Variants in SLC16A4 observed in about 807,000 individuals in gnomAD.
SLC16A4 encodes probable monocarboxylate transporter 5.
Under a neutral mutation model 47.9 loss-of-function variants are expected in SLC16A4, and 39 were observed. The ratio of observed to expected loss-of-function variants is 0.81; its 90% CI spans 0.63 to 1.06. The LOEUF (loss-of-function observed/expected upper bound fraction) is 1.06, where lower values mean the gene tolerates loss of function less well. SLC16A4 is among the 50% of genes least tolerant of loss of function. The pLI is 0.00. For missense variants in SLC16A4, 524 were observed against 573.8 expected, an observed-to-expected ratio of 0.91 and a Z score of 0.89; for synonymous variants, 189 against 199.9, an observed-to-expected ratio of 0.95 and a Z score of 0.46.
Position 110,382,983 on chromosome 1 carries a change from C to T in SLC16A4, c.88-17G>A. On this transcript the variant is annotated splice_polypyrimidine_tract_variant and intron_variant, in intron 2 of 8. Transcript: ENST00000369779. ...CACATTCACCTAAATCAAAGCAGAC[C>T]AGAGTCCAACTCAGGTGGTAAGTGA... The T allele has an allele frequency of 6.3e-7, 1 of 1,581,046 alleles. No individual in the cohort carries two copies. Among genetic ancestry groups the T allele is most frequent in the East Asian group, 2.3e-5 (1 of 44,296 alleles).
At position 110,376,959 on chromosome 1, in the gene SLC16A4, C is replaced by T. The variant is rs376773926; in HGVS notation, c.1233G>A (p.Leu411=). ...GAGTGTGTCTACTCACCAGTACAGG[C>T]AGTATCAATGCCAGGTAACCACCAG... ...IFAGGYLALI[L]PVLVDLCRNS... Residue 411 remains leucine, a synonymous_variant, in exon 7 of 9, where the codon CTG becomes CTA. Transcript: ENST00000369779. The T allele has an allele frequency of 8.1e-6, 13 of 1,613,366 alleles. No homozygotes were observed. The highest frequency in any genetic ancestry group is 1.0e-5 in the Non-Finnish European group (12 of 1,179,610).
intron 2 of SLC16A4, among the ~76,000 whole-genome samples, chr1:110,384,639 C>T (rs61787382): frequency 0.059 from 8,914 of 152,276 alleles, 447 homozygotes; most frequent in Admixed American, 0.15. Flanking sequence ...CCCAGGTGTA[C>T]TCTCTGTCTC....
At chr1:110,383,162 A>T (rs1248542526) in intron 2 of SLC16A4, among the ~76,000 whole-genome samples, 196 bp from the exon 3 acceptor site, 1 of 152,236 alleles carries the variant, frequency 6.6e-6, no homozygotes, top group East Asian at 1.9e-4. Context: ...TTAAATGGAA[A>T]CATCTCATTT....
chr1:110,366,219 G>A (rs963602008), intron 8 of SLC16A4, among the ~76,000 whole-genome samples: 3 of 151,542 alleles, frequency 2.0e-5, no homozygotes, highest in South Asian at 2.1e-4. Flanking sequence ...AGTGAGTTGC[G>A]CAATCTCGGC....
chr1:110,380,997 GATCT>G lies in SLC16A4; in HGVS notation c.507_510del (p.Asp170CysfsTer16), dbSNP rs745607177. 4 of 1,614,012 alleles carry G rather than the reference GATCT, an allele frequency of 2.5e-6. No homozygotes were observed. The South Asian group carries it at 4.4e-5, about 18-fold the overall frequency. ...AATGACGTACCTGTCCAGTCATACA[GATCT>G]ATCAGGAATTTTGTAAAGGGTGCCA... is the stretch of plus-strand genomic sequence containing the variant. On this transcript the variant is annotated frameshift_variant, in exon 5 of 9. Transcript: ENST00000369779. LOFTEE classifies it high-confidence loss of function.
chr1:110,363,802 T>A lies in SLC16A4; in HGVS notation c.1428A>T (p.Val476=), dbSNP rs1191891416. Residue 476 remains valine (V), a synonymous_variant, in exon 9 of 9, where the codon GTA becomes GTT. Transcript: ENST00000369779. The part of the protein sequence containing the change: ...YLLSSVSFFF[V]PLAERWKNSL... ...TGTTTTTCCATCTTTCGGCCAATGG[T>A]ACAAAAAAAAAGGAAACTGAAGAGA... 1.9e-6 allele frequency: 3 copies of A among 1,609,838 alleles called. No homozygotes were observed. The African/African-American group carries it at 4.0e-5, about 22-fold the overall frequency.
rs138557128 is a variant in SLC16A4, at chr1:110,375,464, T to C, written c.1330A>G (p.Ile444Val). The change falls in exon 8 of 9, where the codon ATA becomes GTA. Residue 444 changes from isoleucine to valine, a missense_variant. Coordinates refer to ENST00000369779, the MANE Select transcript of SLC16A4 (RefSeq NM_004696.3). ...AATGTGGTGAAGGTGTTACCTGCTATAGGTGGTCCAGAAAGGACAGCCATC... is the reference window on the plus strand; with the variant it reads ...AATGTGGTGAAGGTGTTACCTGCTACAGGTGGTCCAGAAAGGACAGCCATC... ...AGMAVLSGPP[I>V]AGWLYDYTQT... 152 of 1,602,180 alleles carry C rather than the reference T, an allele frequency of 9.5e-5. No individual in the cohort carries two copies. The highest frequency in any genetic ancestry group is 1.2e-4 in the Non-Finnish European group (144 of 1,169,166).
At chr1:110,387,949 G>A (rs1448754708) in intron 2 of SLC16A4, among the ~76,000 whole-genome samples, 1 of 152,152 alleles carries the variant, frequency 6.6e-6, no homozygotes, top group Non-Finnish European at 1.5e-5. Context: ...CTAGCACGAG[G>A]GAGGAGGCCT....
Position 110,363,706 on chromosome 1 carries a change from A to G in SLC16A4, c.*60T>C. 4.8e-6 allele frequency: 7 copies of G among 1,458,554 alleles called. No homozygotes were observed. Among genetic ancestry groups the G allele is most frequent in the Non-Finnish European group, 6.4e-6 (7 of 1,092,918 alleles). The allele number at this position is 1,458,554 out of a possible 1,614,324, so 90.4% of individuals were successfully genotyped here. ...GTGTTTCTTTCAAGCTTTTGTTTCC[A>G]ATGACATTAGTTTAGGTTTTCTTTT... On this transcript the variant is annotated 3_prime_UTR_variant, in exon 9 of 9. Coordinates refer to ENST00000369779, the MANE Select transcript of SLC16A4 (RefSeq NM_004696.3).
At chr1:110,377,278 A>G (rs970619927) in intron 6 of SLC16A4, 117 bp from the exon 7 acceptor site, 1 of 785,482 alleles carries the variant, frequency 1.3e-6, no homozygotes, top group Non-Finnish European at 2.0e-6. Context: ...GTGAGGAAAA[A>G]AATGATTTGA....
chr1:110,381,810 G>A lies in SLC16A4; in HGVS notation c.221-15C>T, dbSNP rs1368579492. The A allele has an allele frequency of 6.2e-7, 1 of 1,606,632 alleles. No homozygotes were observed. Among genetic ancestry groups the A allele is most frequent in the African/African-American group, 1.3e-5 (1 of 74,524 alleles). On this transcript the variant is annotated splice_polypyrimidine_tract_variant and intron_variant, in intron 3 of 8. Coordinates refer to ENST00000369779, the MANE Select transcript of SLC16A4 (RefSeq NM_004696.3). ...AACCAGGGGACCTTAAGAGAAGAAA[G>A]AAAGGCAATTCTTAGGTAAATAATG...
At chr1:110,389,155 C>A in intron 2 of SLC16A4, 82 bp downstream of exon 2, 1 of 1,140,790 alleles carries the variant, frequency 8.8e-7, no homozygotes, top group East Asian at 2.4e-5. Flanking sequence ...CCTAAGTGAT[C>A]CTATTCGTAG....
chr1:110,366,075 C>T (rs1417627971), intron 8 of SLC16A4, among the ~76,000 whole-genome samples: 1 of 151,526 alleles, frequency 6.6e-6, no homozygotes, highest in Non-Finnish European at 1.5e-5. Context: ...AGGTGTGAGC[C>T]ATCATGCCGA....
intron 5 of SLC16A4, among the ~76,000 whole-genome samples, chr1:110,380,672 G>A (rs1662328252): frequency 6.6e-6 from 1 of 151,982 alleles, no homozygotes; most frequent in Non-Finnish European, 1.5e-5. Context: ...TTCCCCAGAA[G>A]TATCGCTTTT....
chr1:110,390,146 A>T (rs901641090), intron 1 of SLC16A4, among the ~76,000 whole-genome samples: 3 of 152,178 alleles, frequency 2.0e-5, no homozygotes, highest in South Asian at 4.1e-4. Context: ...AGTCTGCCTG[A>T]TGCAACTAAG....
At chr1:110,381,239 C>G in intron 4 of SLC16A4, 96 bp from the exon 5 acceptor site, 2 of 1,106,562 alleles carry the variant, frequency 1.8e-6, no homozygotes, top group Non-Finnish European at 1.3e-6. Context: ...TACAGCTAGG[C>G]CTTTTGGACC....
chr1:110,384,538 A>G (rs1662623701), intron 2 of SLC16A4, among the ~76,000 whole-genome samples: 1 of 152,122 alleles, frequency 6.6e-6, no homozygotes, highest in Non-Finnish European at 1.5e-5. Context: ...GTTAAGTGCT[A>G]TTCCTTCTTT....
At chr1:110,364,057 C>T (rs1427316852) in intron 8 of SLC16A4, 164 bp from the exon 9 acceptor site, 2 of 570,408 alleles carry the variant, frequency 3.5e-6, no homozygotes, top group East Asian at 3.2e-5. Context: ...TGAATCAGCT[C>T]CACCTGAGTT....
At chr1:110,366,776 A>G (rs1661423681) in intron 8 of SLC16A4, among the ~76,000 whole-genome samples, 1 of 152,230 alleles carries the variant, frequency 6.6e-6, no homozygotes, top group East Asian at 1.9e-4. Context: ...TATATTTAAT[A>G]TATTTTCTTA....
Sources: allele counts gnomAD v4.1 joint callset (sites outside exome capture counted in the v4.1 genomes callset), GRCh38; gene constraint gnomAD v4.1.1; transcripts MANE v1.5; gene names NCBI Gene and HGNC (gene_info 2026-07-23, HGNC 2026-07-21).